PRDM10: variants seen among roughly 807,000 people sequenced by gnomAD.
PRDM10 encodes PR domain zinc finger protein 10.
PRDM10 carries 65 observed loss-of-function variants against 133.1 expected under a neutral mutation model. The observed-to-expected ratio is 0.49, with a 90% CI of 0.40 to 0.60. The LOEUF is 0.60. PRDM10 is among the 20% of genes least tolerant of loss of function. PRDM10 has a pLI of 0.00. For synonymous variants in PRDM10, 582 were observed against 580.4 expected (o/e 1.00, Z -0.04); for missense variants, 1,137 against 1,507.1 (o/e 0.75, Z 4.07).
chr11:129,922,472 T>A (rs74607115), intron 13 of PRDM10, among the ~76,000 whole-genome samples: 5,488 of 152,290 alleles, frequency 0.036, 125 homozygotes, highest in Admixed American at 0.064. Context: ...ACACTTACCA[T>A]AAAACCAGCT....
intron 19 of PRDM10, among the ~76,000 whole-genome samples, chr11:129,906,188 A>G (rs1472674943): frequency 6.6e-6 from 1 of 152,204 alleles, no homozygotes; most frequent in African/African-American, 2.4e-5. Context: ...CCACCCTAGC[A>G]TCTTGTTGAT....
chr11:129,937,681 C>T lies in PRDM10; in HGVS notation c.967-11G>A. On this transcript the variant is annotated splice_polypyrimidine_tract_variant and intron_variant, in intron 7 of 20. Transcript: ENST00000360871. ...TGCGGCATACCACACCTGCAAGAAG[C>T]AAGTATATCATCAAGAACTGGGGAC... 6.2e-7 allele frequency: 1 copy of T among 1,610,364 alleles called. No homozygotes were observed. Among genetic ancestry groups the T allele is most frequent in the Admixed American group, 1.7e-5 (1 of 59,414 alleles).
Position 129,944,426 on chromosome 11 carries a change from C to A in PRDM10, c.762+345G>T, listed in dbSNP as rs1255532604. 5.3e-5 allele frequency among the ~76,000 whole-genome samples: 8 copies of A among 152,020 alleles called. No individual in the cohort carries two copies. The East Asian group carries it at 1.6e-3, about 30-fold the overall frequency. On this transcript the variant is annotated intron_variant, in intron 6 of 20. Coordinates refer to ENST00000360871, the MANE Select transcript of PRDM10 (RefSeq NM_199437.2). ...TGAAACCCCGTCTCTACTAAAAATA[C>A]AAAAAGAAATTAGCCGGGCGTGGTG...
chr11:129,911,510 G>A lies in PRDM10; in HGVS notation c.2982+575C>T, dbSNP rs546207437. Among the ~76,000 whole-genome samples, 6 of 152,304 alleles carry A rather than the reference G, an allele frequency of 3.9e-5. No homozygotes were observed. The East Asian group carries it at 1.2e-3, about 29-fold the overall frequency. On this transcript the variant is annotated intron_variant, in intron 18 of 20. Coordinates refer to ENST00000360871, the MANE Select transcript of PRDM10 (RefSeq NM_199437.2). ...ACTTCCTTTCCAAACATCATTTCCTGTGAGTAATCTAAACAGAATAACCCT... is the reference window on the plus strand; with the variant it reads ...ACTTCCTTTCCAAACATCATTTCCTATGAGTAATCTAAACAGAATAACCCT...
At chr11:129,980,806 A>G (rs1938060988) in intron 1 of PRDM10, among the ~76,000 whole-genome samples, 1 of 148,630 alleles carries the variant, frequency 6.7e-6, no homozygotes, top group Non-Finnish European at 1.5e-5. Context: ...GTGATTTCTT[A>G]GGGTCAAGAG....
In PRDM10 at chr11:129,947,495, AGGCCCTGG is replaced by A; in HGVS notation, c.295-133_295-126del. On this transcript the variant is annotated intron_variant, in intron 4 of 20. Transcript: ENST00000360871. The surrounding 1 kb of genome is among the most constrained non-coding windows in gnomAD (Gnocchi z 4.6). ...TCTAGTCTTCCTACCAACTCCTTCC[AGGCCCTGG>A]AAAAATGACTTCCATCTACCGGCTG... is the stretch of plus-strand genomic sequence containing the variant. 1 of 1,530,890 alleles carries A rather than the reference AGGCCCTGG, an allele frequency of 6.5e-7. No homozygotes were observed. Among genetic ancestry groups the A allele is most frequent in the Non-Finnish European group, 8.8e-7 (1 of 1,140,004 alleles). 94.8% of individuals were successfully genotyped at this position (1,530,890 alleles called of 1,614,324 possible). A position where few individuals can be genotyped will look rare whatever the true frequency, so the allele number is the denominator to read the frequency against.
chr11:129,935,178 ACATTCATAGCAGGGC>A lies in PRDM10; in HGVS notation c.1065_1079del (p.Trp355_Glu359del). Reference sequence around the variant, plus strand: ...GCTCCGAGCTTATAAATCGGCGGTTACATTCATAGCAGGGCCAATTCTTCTCTTGCTCTCGAAGAA... The same window carrying A: ...GCTCCGAGCTTATAAATCGGCGGTTACAATTCTTCTCTTGCTCTCGAAGAA... On this transcript the variant is annotated inframe_deletion, in exon 9 of 21. Coordinates refer to ENST00000360871, the MANE Select transcript of PRDM10 (RefSeq NM_199437.2). The A allele has an allele frequency of 6.2e-7, 1 of 1,614,102 alleles. No individual in the cohort carries two copies. The highest frequency in any genetic ancestry group is 2.2e-5 in the East Asian group (1 of 44,884).
intron 4 of PRDM10, among the ~76,000 whole-genome samples, chr11:129,950,597 C>T (rs1460162575): frequency 6.6e-6 from 1 of 152,182 alleles, no homozygotes. Context: ...ACCTCCTCAC[C>T]AGAACCTGCA....
chr11:130,000,936 G>A (rs1939328712), intron 1 of PRDM10, among the ~76,000 whole-genome samples: 1 of 152,080 alleles, frequency 6.6e-6, no homozygotes. Flanking sequence ...ATGAAACCCC[G>A]TTTCTACAAA....
intron 1 of PRDM10, among the ~76,000 whole-genome samples, chr11:129,998,054 G>C (rs1591712114): frequency 6.6e-6 from 1 of 152,076 alleles, no homozygotes; most frequent in Non-Finnish European, 1.5e-5. Flanking sequence ...AAATGTTCTA[G>C]TATACATAGT....
intron 4 of PRDM10, among the ~76,000 whole-genome samples, chr11:129,953,667 T>C (rs1951635830): frequency 6.6e-6 from 1 of 152,008 alleles, no homozygotes; most frequent in Non-Finnish European, 1.5e-5. Flanking sequence ...TTTTATTTCA[T>C]TGGTTTGGTT....
At chr11:129,921,904 GAC>G (rs1474044066) in intron 13 of PRDM10, among the ~76,000 whole-genome samples, 1 of 152,154 alleles carries the variant, frequency 6.6e-6, no homozygotes, top group African/African-American at 2.4e-5. Flanking sequence ...CAGATGCAGT[GAC>G]ACAGTCTTTC....
intron 1 of PRDM10, among the ~76,000 whole-genome samples, chr11:129,963,185 T>A (rs1208941753): frequency 1.3e-5 from 2 of 150,086 alleles, no homozygotes; most frequent in African/African-American, 4.9e-5. Context: ...ATGTCACCAA[T>A]CATCTAAAGA....
intron 6 of PRDM10, among the ~76,000 whole-genome samples, chr11:129,944,539 C>G (rs566318693): frequency 3.3e-5 from 5 of 150,430 alleles, no homozygotes; most frequent in African/African-American, 7.4e-5. Context: ...GAGCCGAGAT[C>G]GCGCCACTGC....
intron 13 of PRDM10, among the ~76,000 whole-genome samples, chr11:129,920,692 C>T (rs1950498694): frequency 1.3e-5 from 2 of 151,804 alleles, no homozygotes; most frequent in African/African-American, 2.4e-5. Flanking sequence ...CTCCCTCACT[C>T]CTCACCTCTC....
intron 8 of PRDM10, among the ~76,000 whole-genome samples, chr11:129,936,695 T>C (rs1951044319): frequency 6.6e-6 from 1 of 151,972 alleles, no homozygotes; most frequent in South Asian, 2.1e-4. Flanking sequence ...CTGTGAGTCA[T>C]TCTTGTGAAT....
chr11:129,915,813 G>A lies in PRDM10; in HGVS notation c.2373C>T (p.His791=), dbSNP rs749730792. 4.3e-6 allele frequency: 7 copies of A among 1,614,112 alleles called. No homozygotes were observed. Among genetic ancestry groups the A allele is most frequent in the Non-Finnish European group, 5.9e-6 (7 of 1,180,024 alleles). The change falls in exon 16 of 21, where the codon CAC becomes CAT. Residue 791 remains histidine, a synonymous_variant. Transcript: ENST00000360871. Reference sequence around the variant, plus strand: ...TGCTCGGTGGGAGCTCTGCTCCTGGGTGGTTCTTCAGAATGTGGGCTTTGC... The same window carrying A: ...TGCTCGGTGGGAGCTCTGCTCCTGGATGGTTCTTCAGAATGTGGGCTTTGC... ...SKRKAHILKN[H]PGAELPPSIR...
chr11:129,929,267 A>G (rs563096637), intron 11 of PRDM10: 17 of 726,524 alleles, frequency 2.3e-5, no homozygotes, highest in Non-Finnish European at 3.4e-5. Flanking sequence ...TTACAAATAA[A>G]TTATCATTAT....
intron 2 of PRDM10, among the ~76,000 whole-genome samples, chr11:129,960,344 CTAAGAA>C (rs781352503): frequency 8.6e-4 from 131 of 152,284 alleles, no homozygotes; most frequent in Non-Finnish European, 1.5e-3. Flanking sequence ...TTTGCCTTCG[CTAAGAA>C]CAGCCAAAAT....
Sources: gnomAD v4.1 joint callset for allele counts (sites outside exome capture counted in the v4.1 genomes callset) on GRCh38, gnomAD v4.1.1 for gene constraint, Gnocchi (gnomAD v3.1) non-coding constraint, MANE v1.5 for transcripts, NCBI Gene and HGNC (gene_info 2026-07-23, HGNC 2026-07-21) for gene names.